Variants in DHRSX observed in about 807,000 individuals in gnomAD.
DHRSX encodes the protein polyprenol dehydrogenase.
Under a neutral mutation model 34.0 loss-of-function variants are expected in DHRSX, and 31 were observed. The observed-to-expected ratio is 0.91, with a 90% CI of 0.69 to 1.23. DHRSX has a LOEUF of 1.23. DHRSX is among the 50% of genes most tolerant of loss of function. The pLI, the probability that DHRSX is intolerant of heterozygous loss-of-function variation, is 0.00. For missense variants in DHRSX, 414 were observed against 428.1 expected, an observed-to-expected ratio of 0.97 and a Z score of 0.29; for synonymous variants, 201 against 183.8, an observed-to-expected ratio of 1.09 and a Z score of -0.76.
intron 1 of DHRSX, among the ~76,000 whole-genome samples, chrX:2,480,844 T>A (rs1234277904): frequency 1.3e-5 from 2 of 152,032 alleles, no homozygotes; most frequent in African/African-American, 4.8e-5. Flanking sequence ...TAAAATTAAA[T>A]TTTTCCAGTT....
intron 5 of DHRSX, among the ~76,000 whole-genome samples, chrX:2,252,678 C>A (rs371596577): frequency 2.0e-4 from 31 of 152,112 alleles, no homozygotes; most frequent in African/African-American, 7.5e-4. Context: ...TTTAAAAATA[C>A]GGTGTGGGGG....
chrX:2,292,879 C>T (rs1010083263), intron 3 of DHRSX, among the ~76,000 whole-genome samples: 3 of 152,138 alleles, frequency 2.0e-5, no homozygotes, highest in South Asian at 4.1e-4. Context: ...GTAACTAATA[C>T]ACAAAATGAC....
intron 5 of DHRSX, among the ~76,000 whole-genome samples, chrX:2,246,110 C>T (rs1602789483): frequency 1.3e-5 from 2 of 152,000 alleles, no homozygotes; most frequent in Admixed American, 1.3e-4. Context: ...TTAACTGAGA[C>T]CTGTCTCAAA....
Position 2,425,213 on chromosome X carries a change from G to T in DHRSX, c.201C>A (p.Gly67=). 6.2e-7 allele frequency: 1 copy of T among 1,613,140 alleles called. No individual in the cohort carries two copies. The highest frequency in any genetic ancestry group is 8.5e-7 in the Non-Finnish European group (1 of 1,179,418). The change falls in exon 2 of 7, where the codon GGC becomes GGA. Residue 67 remains glycine, a synonymous_variant. Coordinates refer to ENST00000334651, the MANE Select transcript of DHRSX (RefSeq NM_145177.3). ...AGTCATCACCTATGATAACATGCAT[G>T]CCAAGTCTCGCCAGATGCTTCGCTG... ...YSTAKHLARL[G]MHVIIAGNND...
At chrX:2,228,469 G>C (rs1332867050) in intron 6 of DHRSX, among the ~76,000 whole-genome samples, 2 of 86,752 alleles carry the variant, frequency 2.3e-5, no homozygotes, top group Non-Finnish European at 4.3e-5. Context: ...AGGGAGGGAG[G>C]GAGGGAGGAA....
intron 1 of DHRSX, among the ~76,000 whole-genome samples, chrX:2,463,008 G>A (rs1437952798): frequency 2.6e-5 from 4 of 152,016 alleles, no homozygotes; most frequent in East Asian, 1.9e-4. Context: ...TATAAAAGGA[G>A]CCCCAGAGAG....
chrX:2,361,530 G>C (rs1313384729), intron 3 of DHRSX, among the ~76,000 whole-genome samples: 2 of 152,156 alleles, frequency 1.3e-5, no homozygotes, highest in Non-Finnish European at 2.9e-5. Context: ...GTGGTTTATT[G>C]AGGTTCTTTG....
chrX:2,489,461 CT>C, intron 1 of DHRSX: 1 of 1,613,862 alleles, frequency 6.2e-7, no homozygotes, highest in Non-Finnish European at 8.5e-7. Context: ...CTTCACCATG[CT>C]GATGGTGGGG....
chrX:2,282,766 A>AAGGGAGGG (rs2041734007), intron 4 of DHRSX, among the ~76,000 whole-genome samples: 3 of 89,384 alleles, frequency 3.4e-5, no homozygotes, highest in African/African-American at 1.3e-4. Flanking sequence ...AGAGGGGAGA[A>AAGGGAGGG]AGCGAGGGAG....
intron 1 of DHRSX, among the ~76,000 whole-genome samples, chrX:2,457,759 G>T (rs768315214): frequency 6.7e-6 from 1 of 148,970 alleles, no homozygotes; most frequent in African/African-American, 2.5e-5. Flanking sequence ...TGTACACACT[G>T]AAGACGTTCC....
intron 4 of DHRSX, among the ~76,000 whole-genome samples, chrX:2,269,892 G>T (rs3923608): frequency 4.0e-5 from 6 of 151,838 alleles, no homozygotes; most frequent in African/African-American, 1.5e-4. Flanking sequence ...TAGCGTTTCT[G>T]TATGTATTTG....
At chrX:2,325,520 C>T (rs759928794) in intron 3 of DHRSX, among the ~76,000 whole-genome samples, 2 of 152,170 alleles carry the variant, frequency 1.3e-5, no homozygotes, top group Non-Finnish European at 2.9e-5. Context: ...AAAACAGGAC[C>T]GAGAGCCCCG....
Position 2,376,561 on chromosome X carries a change from A to G in DHRSX, c.286+32184T>C, listed in dbSNP as rs1480544494. On this transcript the variant is annotated intron_variant, in intron 3 of 6. Transcript: ENST00000334651. ...ACCCAGAACCTAGGAATGAAAGCTC[A>G]CTTGGATATCAGATCTTTGCATACA... Among the ~76,000 whole-genome samples, 5 of 137,722 alleles carry G rather than the reference A, an allele frequency of 3.6e-5. 2 individuals carry two copies. The highest frequency in any genetic ancestry group is 8.6e-5 in the Non-Finnish European group (5 of 58,372). 90.4% of individuals were successfully genotyped at this position (137,722 alleles called of 152,430 possible).
intron 3 of DHRSX, among the ~76,000 whole-genome samples, chrX:2,314,005 G>A (rs2042195266): frequency 6.6e-6 from 1 of 151,710 alleles, no homozygotes; most frequent in African/African-American, 2.4e-5. Flanking sequence ...ATGTCCAGGT[G>A]GAGATAAAGG....
intron 1 of DHRSX, among the ~76,000 whole-genome samples, chrX:2,485,903 G>T (rs2044910555): frequency 6.7e-6 from 1 of 148,584 alleles, no homozygotes; most frequent in African/African-American, 2.6e-5. Context: ...GACAAGGATG[G>T]GAGGGAAGGA....
chrX:2,354,961 A>G (rs1362456463), intron 3 of DHRSX, among the ~76,000 whole-genome samples: 1 of 152,200 alleles, frequency 6.6e-6, no homozygotes, highest in Non-Finnish European at 1.5e-5. Context: ...CTCATGGGAA[A>G]AACAGGCAAA....
rs761893785 is a variant in DHRSX, at chrX:2,255,777, T to C, written c.596+10963A>G. Among the ~76,000 whole-genome samples, 8 of 150,528 alleles carry C rather than the reference T, an allele frequency of 5.3e-5. No homozygotes were observed. In the South Asian group the frequency reaches 1.3e-3, roughly 24 times the overall value. The stretch of plus-strand genomic sequence containing the variant: ...AAAAAACACAAAAATTAGGTGGGCA[T>C]GGTGGCGGTGCCTGTAGTCCCAGCT... On this transcript the variant is annotated intron_variant, in intron 5 of 6. Coordinates refer to ENST00000334651, the MANE Select transcript of DHRSX (RefSeq NM_145177.3).
At position 2,272,315 on chromosome X, in the gene DHRSX, T is replaced by C. The variant is rs372732563; in HGVS notation, c.389-5368A>G. ...AATCCGTGCCTGAAGTGTCATAAAT[T>C]CCCAGCTTAGGAGAGACGAGCTTAT... On this transcript the variant is annotated intron_variant, in intron 4 of 6. Transcript: ENST00000334651. Among the ~76,000 whole-genome samples the C allele has an allele frequency of 2.6e-5, 4 of 152,134 alleles. No individual in the cohort carries two copies. The East Asian group carries it at 7.7e-4, about 29-fold the overall frequency.
At chrX:2,358,782 T>C (rs1219257109) in intron 3 of DHRSX, among the ~76,000 whole-genome samples, 11 of 152,106 alleles carry the variant, frequency 7.2e-5, no homozygotes, top group Admixed American at 5.2e-4. Flanking sequence ...GTGCTTTGCT[T>C]ATGCATACCT....
Sources: allele counts gnomAD v4.1 joint callset (sites outside exome capture counted in the v4.1 genomes callset), GRCh38; gene constraint gnomAD v4.1.1; transcripts MANE v1.5; gene names NCBI Gene and HGNC (gene_info 2026-07-23, HGNC 2026-07-21).